The following CCDC60 variants were observed in gnomAD, a reference collection of about 807,000 sequenced individuals.
CCDC60 encodes coiled-coil domain-containing protein 60.
Under a neutral mutation model 63.5 loss-of-function variants are expected in CCDC60, and 54 were observed. The ratio of observed to expected loss-of-function variants is 0.85; its 90% CI spans 0.68 to 1.07. The LOEUF (loss-of-function observed/expected upper bound fraction) is 1.07. Ranked by LOEUF, CCDC60 falls within the 50% of genes least tolerant of loss-of-function variation. The pLI is 0.00. For synonymous variants in CCDC60, 206 were observed against 238.8 expected (o/e 0.86, Z 1.27); for missense variants, 651 against 684.3 (o/e 0.95, Z 0.54).
intron 1 of CCDC60, among the ~76,000 whole-genome samples, chr12:119,371,322 G>A (rs79121121): frequency 0.057 from 8,678 of 152,214 alleles, 304 homozygotes; most frequent in Non-Finnish European, 0.071. Flanking sequence ...AGGAGAGAGG[G>A]GAGGAAGGGC....
chr12:119,343,219 C>T (rs1396264830), intron 1 of CCDC60, among the ~76,000 whole-genome samples: 3 of 152,154 alleles, frequency 2.0e-5, no homozygotes, highest in Non-Finnish European at 2.9e-5. Flanking sequence ...TCTTGCGGGG[C>T]TCAATTTTGA....
intron 1 of CCDC60, among the ~76,000 whole-genome samples, chr12:119,395,346 C>G (rs932170481): frequency 1.3e-5 from 2 of 152,196 alleles, no homozygotes; most frequent in African/African-American, 4.8e-5. Context: ...CACAGTTCCA[C>G]AGGCTGTACA....
rs116861826 is a variant in CCDC60 at position 119,433,841 on chromosome 12, C to T, written c.170+5079C>T. On this transcript the variant is annotated intron_variant, in intron 2 of 13. Transcript: ENST00000327554. ...ATAAGATTCTAACTGCTTTCCTCCTCGCCTGTTCCGTCAGATGTTCAGTGG... is the reference window on the plus strand; with the variant it reads ...ATAAGATTCTAACTGCTTTCCTCCTTGCCTGTTCCGTCAGATGTTCAGTGG... Among the ~76,000 whole-genome samples the T allele has an allele frequency of 4.9e-3, 752 of 152,310 alleles. 2 individuals carry two copies. The highest frequency in any genetic ancestry group is 7.9e-3 in the Non-Finnish European group (535 of 68,030).
chr12:119,453,898 G>T (rs989720970), intron 2 of CCDC60, among the ~76,000 whole-genome samples: 3 of 151,810 alleles, frequency 2.0e-5, no homozygotes, highest in Non-Finnish European at 2.9e-5. Context: ...TTTGATGATT[G>T]TGATGATGAT....
intron 2 of CCDC60, among the ~76,000 whole-genome samples, chr12:119,460,493 G>C (rs530471788): frequency 1.5e-4 from 23 of 152,330 alleles, no homozygotes; most frequent in African/African-American, 5.5e-4. Flanking sequence ...TGATGCACCA[G>C]TCAGCTATTT....
chr12:119,389,481 T>C (rs555466837), intron 1 of CCDC60, among the ~76,000 whole-genome samples: 6 of 152,268 alleles, frequency 3.9e-5, no homozygotes, highest in African/African-American at 1.4e-4. Flanking sequence ...TCCCCTGTGG[T>C]GCCAGCAGGG....
At chr12:119,385,598 C>T (rs1956051870) in intron 1 of CCDC60, among the ~76,000 whole-genome samples, 1 of 152,208 alleles carries the variant, frequency 6.6e-6, no homozygotes, top group Non-Finnish European at 1.5e-5. Context: ...TCCATTAAAC[C>T]TCTTTTTTAA....
chr12:119,443,349 A>C lies in CCDC60; in HGVS notation c.170+14587A>C, dbSNP rs534580384. Among the ~76,000 whole-genome samples, 16 of 152,286 alleles carry C rather than the reference A, an allele frequency of 1.1e-4. No individual in the cohort carries two copies. In the East Asian group the frequency reaches 3.1e-3, roughly 29 times the overall value. On this transcript the variant is annotated intron_variant, in intron 2 of 13. Coordinates refer to ENST00000327554, the MANE Select transcript of CCDC60 (RefSeq NM_178499.5). ...TGGGTCTTCTCTGTCATATTAACTG[A>C]TATTTTGCAGTCATGATTTTGCTTA...
intron 1 of CCDC60, among the ~76,000 whole-genome samples, chr12:119,405,594 G>C (rs780128511): frequency 2.6e-5 from 4 of 152,208 alleles, no homozygotes; most frequent in Non-Finnish European, 5.9e-5. Context: ...ATCTTCTGCT[G>C]TAAAGCAGGA....
At position 119,428,824 on chromosome 12, in the gene CCDC60, G is replaced by A. The variant is rs1456491705; in HGVS notation, c.170+62G>A. 6 of 1,107,458 alleles carry A rather than the reference G, an allele frequency of 5.4e-6. No individual in the cohort carries two copies. In the Admixed American group the frequency reaches 7.9e-5, roughly 15 times the overall value. 68.6% of individuals were successfully genotyped at this position (1,107,458 alleles called of 1,614,324 possible). A position where few individuals can be genotyped will look rare whatever the true frequency, so the allele number is the denominator to read the frequency against. On this transcript the variant is annotated intron_variant, in intron 2 of 13. Coordinates refer to ENST00000327554, the MANE Select transcript of CCDC60 (RefSeq NM_178499.5). ...CCAACAGGCATGAGCAGGCTATGGGGTGTTGCCTACAAGTCCTTGCCCAGT... is the reference window on the plus strand; with the variant it reads ...CCAACAGGCATGAGCAGGCTATGGGATGTTGCCTACAAGTCCTTGCCCAGT...
At chr12:119,433,477 C>T in intron 2 of CCDC60, 1 of 702,366 alleles carries the variant, frequency 1.4e-6, no homozygotes, top group Non-Finnish European at 2.6e-6. Flanking sequence ...TGAGATGTTC[C>T]ATCTGGCCAC....
At chr12:119,524,721 C>CTTTCTTTTTTTTTTTT (rs1952635925) in intron 11 of CCDC60, among the ~76,000 whole-genome samples, 1 of 99,050 alleles carries the variant, frequency 1.0e-5, no homozygotes, top group East Asian at 2.9e-4. Flanking sequence ...CTTTTCTTTT[C>CTTTCTTTTTTTTTTTT]TTTTTTTTTT....
chr12:119,488,755 GCAGCGAGC>G lies in CCDC60; in HGVS notation c.450-2_455del, dbSNP rs770886778. ...CACTGTGTTCCCTCTCTCTGTCTTTGCAGCGAGCCCCTCTTCCGCCAGCTCTGTGCTCT... is the reference window on the plus strand; with the variant it reads ...CACTGTGTTCCCTCTCTCTGTCTTTGCCCTCTTCCGCCAGCTCTGTGCTCT... On this transcript the variant is annotated splice_acceptor_variant and splice_polypyrimidine_tract_variant and coding_sequence_variant and intron_variant, in exon 5 of 14. Coordinates refer to ENST00000327554, the MANE Select transcript of CCDC60 (RefSeq NM_178499.5). LOFTEE classifies it high-confidence loss of function. 6.6e-5 allele frequency: 107 copies of G among 1,613,642 alleles called. No homozygotes were observed. Among genetic ancestry groups the G allele is most frequent in the Non-Finnish European group, 8.6e-5 (102 of 1,179,670 alleles).
At chr12:119,336,475 A>T (rs1775799598) in intron 1 of CCDC60, among the ~76,000 whole-genome samples, 1 of 152,170 alleles carries the variant, frequency 6.6e-6, no homozygotes, top group South Asian at 2.1e-4. Context: ...AAAAATTAAG[A>T]TGAATTGTAG....
chr12:119,362,433 A>G (rs950633828), intron 1 of CCDC60, among the ~76,000 whole-genome samples: 8 of 152,100 alleles, frequency 5.3e-5, no homozygotes, highest in Non-Finnish European at 1.2e-4. Context: ...TAAATACTAC[A>G]CCCACCACAG....
chr12:119,444,638 T>C (rs570165426), intron 2 of CCDC60, among the ~76,000 whole-genome samples: 14 of 152,342 alleles, frequency 9.2e-5, no homozygotes, highest in Non-Finnish European at 1.8e-4. Flanking sequence ...TTGCTTCTCA[T>C]GGCCACAAGG....
At chr12:119,514,732 C>T (rs1727400) in intron 7 of CCDC60, among the ~76,000 whole-genome samples, 69,672 of 151,568 alleles carry the variant, frequency 0.46, 16,553 homozygotes, top group African/African-American at 0.6. Context: ...AAATTTACTG[C>T]AGCCTAAGTG....
intron 7 of CCDC60, among the ~76,000 whole-genome samples, chr12:119,513,612 T>G (rs559755187): frequency 4.6e-4 from 70 of 152,322 alleles, no homozygotes; most frequent in African/African-American, 1.5e-3. Flanking sequence ...TCACCTTGAC[T>G]TAACTACAAT....
At chr12:119,518,432 G>A (rs753190766) in intron 8 of CCDC60, among the ~76,000 whole-genome samples, 2 of 152,116 alleles carry the variant, frequency 1.3e-5, no homozygotes, top group Non-Finnish European at 2.9e-5. Flanking sequence ...ACAAACTAAG[G>A]TCAGGCTCCA....
Sources: allele counts gnomAD v4.1 joint callset (sites outside exome capture counted in the v4.1 genomes callset), GRCh38; gene constraint gnomAD v4.1.1; transcripts MANE v1.5; gene names NCBI Gene and HGNC (gene_info 2026-07-23, HGNC 2026-07-21).